The following HDAC4 variants were observed in gnomAD, a reference collection of about 807,000 sequenced individuals.
The protein encoded by HDAC4 is histone deacetylase 4, also known as histone deacetylase A.
A neutral mutation model predicts 135.1 loss-of-function variants in HDAC4; 16 were observed. That is an observed-to-expected ratio of 0.12 (90% CI 0.08 to 0.18). HDAC4 has a LOEUF of 0.18. Among genes scored for constraint, HDAC4 ranks in the 10% least tolerant of loss-of-function variants. The pLI is 1.00. For missense variants in HDAC4, 1,143 were observed against 1,511.8 expected (o/e 0.76, Z 4.05); for synonymous variants, 685 against 653.4 (o/e 1.05, Z -0.74).
chr2:239,332,564 T>G (rs1443826595), intron 2 of HDAC4, among the ~76,000 whole-genome samples: 1 of 151,816 alleles, frequency 6.6e-6, no homozygotes, highest in Non-Finnish European at 1.5e-5. Context: ...AAAGCTCACA[T>G]AATCTAGCGA....
intron 3 of HDAC4, among the ~76,000 whole-genome samples, chr2:239,206,549 AG>A (rs1007735290): frequency 3.3e-5 from 5 of 152,184 alleles, no homozygotes; most frequent in Non-Finnish European, 7.3e-5. Context: ...CAGGCAACAA[AG>A]GAACATTTTA....
At chr2:239,304,127 A>G (rs1055559075) in intron 2 of HDAC4, among the ~76,000 whole-genome samples, 1 of 152,268 alleles carries the variant, frequency 6.6e-6, no homozygotes, top group Non-Finnish European at 1.5e-5. Context: ...TCTCTGAGTC[A>G]GCTTTCTTAC....
chr2:239,381,218 A>G (rs563929300), intron 1 of HDAC4, among the ~76,000 whole-genome samples: 1 of 152,352 alleles, frequency 6.6e-6, no homozygotes, highest in African/African-American at 2.4e-5. Context: ...TGCAGTGAAG[A>G]CAAATGACTC....
At chr2:239,111,188 G>C (rs1049259842) in intron 14 of HDAC4, among the ~76,000 whole-genome samples, 2 of 152,244 alleles carry the variant, frequency 1.3e-5, no homozygotes, top group African/African-American at 2.4e-5. Flanking sequence ...AGAAGCGTGG[G>C]CTCATGATTC....
intron 1 of HDAC4, among the ~76,000 whole-genome samples, chr2:239,379,330 G>C (rs903500115): frequency 7.9e-5 from 12 of 152,148 alleles, no homozygotes; most frequent in Admixed American, 7.2e-4. Flanking sequence ...GCACCAGGCC[G>C]GTGCCAGGAG....
chr2:239,374,228 T>C (rs1461150556), intron 1 of HDAC4, among the ~76,000 whole-genome samples: 2 of 151,822 alleles, frequency 1.3e-5, no homozygotes, highest in South Asian at 2.1e-4. Context: ...TGAGTAAATA[T>C]CAGAGAAATA....
Position 239,053,482 on chromosome 2 carries a change from C to A in HDAC4, c.3208G>T (p.Gly1070Cys). The change falls in exon 26 of 27, where the codon GGC becomes TGC. Residue 1070 changes from glycine (G) to cysteine (C), a missense_variant. By Grantham distance (159) the Gly-to-Cys change is radical. Transcript: ENST00000543185. The part of the protein sequence containing the change: ...TVTAMASLSV[G>C]VKPAEKRPDE... ...CACCTCTTTTCGGCGGGCTTCACGC[C>A]CACGGACAGCGAGGCCATGGCGGTG... is the stretch of plus-strand genomic sequence containing the variant. 6.2e-7 allele frequency: 1 copy of A among 1,613,496 alleles called. No homozygotes were observed. The highest frequency in any genetic ancestry group is 1.1e-5 in the South Asian group (1 of 91,052).
intron 3 of HDAC4, among the ~76,000 whole-genome samples, chr2:239,222,092 C>G (rs1158528126): frequency 6.6e-6 from 1 of 152,170 alleles, no homozygotes; most frequent in Non-Finnish European, 1.5e-5. Flanking sequence ...GGGATGACAC[C>G]CTGTGCCAGC....
chr2:239,211,704 T>A (rs993499906), intron 3 of HDAC4, among the ~76,000 whole-genome samples: 1 of 152,184 alleles, frequency 6.6e-6, no homozygotes, highest in Non-Finnish European at 1.5e-5. Flanking sequence ...TCCCAGGCAG[T>A]GACTTTTCCA....
intron 2 of HDAC4, among the ~76,000 whole-genome samples, chr2:239,296,544 T>G (rs955190485): frequency 2.0e-5 from 3 of 152,238 alleles, no homozygotes; most frequent in Non-Finnish European, 4.4e-5. Context: ...CCTCAGCAGA[T>G]CAGGGTCACA....
chr2:239,118,563 C>G (rs532523178), intron 12 of HDAC4, among the ~76,000 whole-genome samples: 4 of 152,188 alleles, frequency 2.6e-5, no homozygotes, highest in African/African-American at 9.6e-5. Flanking sequence ...GTTCCGGGAC[C>G]TGATGCACAG....
At position 239,382,321 on chromosome 2, in the gene HDAC4, G is replaced by A. The variant is rs569150762; in HGVS notation, c.-220+18657C>T. Reference sequence around the variant, plus strand: ...TTTATTATCAAAGCAATCATAAAACGTCGCTTCTGCCACATATGCAAATTA... The same window carrying A: ...TTTATTATCAAAGCAATCATAAAACATCGCTTCTGCCACATATGCAAATTA... On this transcript the variant is annotated intron_variant, in intron 1 of 26. Coordinates refer to ENST00000543185, the MANE Select transcript of HDAC4 (RefSeq NM_001378414.1). 3.9e-5 allele frequency among the ~76,000 whole-genome samples: 6 copies of A among 152,296 alleles called. No individual in the cohort carries two copies. The South Asian group carries it at 1.2e-3, about 32-fold the overall frequency.
intron 3 of HDAC4, among the ~76,000 whole-genome samples, chr2:239,218,288 G>C (rs1475095853): frequency 6.6e-6 from 1 of 151,970 alleles, no homozygotes; most frequent in Non-Finnish European, 1.5e-5. Flanking sequence ...CAATGGAACA[G>C]AACAGAGCCC....
chr2:239,106,924 A>G (rs1198627126), intron 15 of HDAC4, among the ~76,000 whole-genome samples: 4 of 152,148 alleles, frequency 2.6e-5, no homozygotes, highest in African/African-American at 9.7e-5. Context: ...CCTGTGCGCT[A>G]TCTGTAGGAT....
intron 3 of HDAC4, among the ~76,000 whole-genome samples, chr2:239,226,459 G>A (rs548472059): frequency 8.5e-5 from 13 of 152,274 alleles, no homozygotes; most frequent in South Asian, 8.3e-4. Flanking sequence ...CCAGTCACCA[G>A]CTCCACCCCA....
chr2:239,203,479 A>G (rs2153079417), intron 3 of HDAC4, among the ~76,000 whole-genome samples: 1 of 152,208 alleles, frequency 6.6e-6, no homozygotes, highest in East Asian at 1.9e-4. Flanking sequence ...AAGAAACCAA[A>G]GGACCTGCCT....
intron 18 of HDAC4, among the ~76,000 whole-genome samples, chr2:239,088,046 G>A (rs1191629970): frequency 6.6e-6 from 1 of 152,230 alleles, no homozygotes; most frequent in East Asian, 1.9e-4. Flanking sequence ...CCGCGGGGCA[G>A]AGACGTTGTG....
At chr2:239,345,305 T>C (rs1477827240) in intron 2 of HDAC4, among the ~76,000 whole-genome samples, 1 of 152,272 alleles carries the variant, frequency 6.6e-6, no homozygotes, top group African/African-American at 2.4e-5. Flanking sequence ...ATCCAGGACT[T>C]TGGGAGGCCG....
At position 239,202,692 on chromosome 2, in the gene HDAC4, C is replaced by T. The variant is rs527402315; in HGVS notation, c.95-12615G>A. 7.2e-5 allele frequency among the ~76,000 whole-genome samples: 11 copies of T among 152,262 alleles called. No homozygotes were observed. In the East Asian group the frequency reaches 1.5e-3, roughly 21 times the overall value. On this transcript the variant is annotated intron_variant, in intron 3 of 26. Coordinates refer to ENST00000543185, the MANE Select transcript of HDAC4 (RefSeq NM_001378414.1). ...AGGGCCATGCAACATGGAGAATCAC[C>T]GTCCAGGAGAGACAAGGCAAGGCTT... is the stretch of plus-strand genomic sequence containing the variant.
Sources: gnomAD v4.1 joint callset for allele counts (sites outside exome capture counted in the v4.1 genomes callset) on GRCh38, gnomAD v4.1.1 for gene constraint, MANE v1.5 for transcripts, NCBI Gene and HGNC (gene_info 2026-07-23, HGNC 2026-07-21) for gene names.